The following PNLIPRP3 variants were observed in gnomAD, a reference collection of about 807,000 sequenced individuals.
The protein encoded by PNLIPRP3 is pancreatic lipase-related protein 3.
PNLIPRP3 carries 58 observed loss-of-function variants against 52.8 expected under a neutral mutation model. That is an observed-to-expected ratio of 1.10 (90% CI 0.89 to 1.37). The LOEUF (loss-of-function observed/expected upper bound fraction) is 1.37. Ranked by LOEUF, PNLIPRP3 falls within the 40% of genes most tolerant of loss-of-function variation. The pLI is 0.00. For missense variants in PNLIPRP3, 593 were observed against 561.6 expected (o/e 1.06, Z -0.57); for synonymous variants, 192 against 185.0 (o/e 1.04, Z -0.31).
intron 5 of PNLIPRP3, among the ~76,000 whole-genome samples, chr10:116,459,552 G>T (rs996093929): frequency 5.9e-5 from 9 of 152,066 alleles, no homozygotes; most frequent in Non-Finnish European, 1.3e-4. Context: ...CCTTGACATG[G>T]CTCAGCTGAC....
At chr10:116,439,886 C>T (rs879132424) in intron 2 of PNLIPRP3, 16 of 794,116 alleles carry the variant, frequency 2.0e-5, no homozygotes, top group South Asian at 1.1e-4. Flanking sequence ...TTCTCTTTCC[C>T]GGACATTATC....
At chr10:116,470,715 A>C (rs1048987506) in intron 9 of PNLIPRP3, among the ~76,000 whole-genome samples, 4 of 151,966 alleles carry the variant, frequency 2.6e-5, no homozygotes, top group Admixed American at 6.6e-5. Context: ...TCACCGTGTT[A>C]GCCAGGATGG....
intron 2 of PNLIPRP3, chr10:116,439,846 A>G (rs554571696): frequency 4.6e-5 from 36 of 779,628 alleles, no homozygotes; most frequent in Non-Finnish European, 7.6e-5. Flanking sequence ...GCGCACTTTA[A>G]TCACCTTTGC....
intron 10 of PNLIPRP3, among the ~76,000 whole-genome samples, chr10:116,475,808 G>A (rs1289678717): frequency 6.6e-6 from 1 of 152,170 alleles, no homozygotes; most frequent in Non-Finnish European, 1.5e-5. Context: ...AATAAGGAAA[G>A]GTGATACAGT....
At chr10:116,429,882 T>C (rs1190656278) in intron 1 of PNLIPRP3, among the ~76,000 whole-genome samples, 1 of 152,130 alleles carries the variant, frequency 6.6e-6, no homozygotes, top group Non-Finnish European at 1.5e-5. Flanking sequence ...GAAGGCAAAC[T>C]AGCAAACAAG....
chr10:116,445,459 T>C (rs1349852295), intron 4 of PNLIPRP3, among the ~76,000 whole-genome samples: 2 of 152,174 alleles, frequency 1.3e-5, no homozygotes, highest in Non-Finnish European at 2.9e-5. Flanking sequence ...GACACTTCTC[T>C]ATCTTCTCTT....
At chr10:116,474,044 A>C (rs1445544446) in intron 10 of PNLIPRP3, among the ~76,000 whole-genome samples, 1 of 151,890 alleles carries the variant, frequency 6.6e-6, no homozygotes, top group East Asian at 1.9e-4. Flanking sequence ...TTCAAACTAC[A>C]CTACAGGGCT....
chr10:116,462,164 C>T (rs1447638912), intron 7 of PNLIPRP3, among the ~76,000 whole-genome samples: 2 of 152,020 alleles, frequency 1.3e-5, no homozygotes, highest in Non-Finnish European at 2.9e-5. Context: ...TAGTATTTAA[C>T]TTTTTATAGT....
intron 9 of PNLIPRP3, 47 bp from the exon 10 acceptor site, chr10:116,471,721 G>A (rs1161918682): frequency 7.0e-7 from 1 of 1,434,086 alleles, no homozygotes; most frequent in Non-Finnish European, 9.8e-7. Context: ...CTTCCCATGT[G>A]TTTTTAACCC....
At chr10:116,475,264 C>T (rs749758140) in intron 10 of PNLIPRP3, among the ~76,000 whole-genome samples, 1 of 152,100 alleles carries the variant, frequency 6.6e-6, no homozygotes, top group Non-Finnish European at 1.5e-5. Context: ...AAGGAAACAA[C>T]ACACACCAGG....
At chr10:116,471,257 G>A (rs1423251974) in intron 9 of PNLIPRP3, among the ~76,000 whole-genome samples, 1 of 152,130 alleles carries the variant, frequency 6.6e-6, no homozygotes, top group African/African-American at 2.4e-5. Flanking sequence ...CTGTATCTAC[G>A]TGTACTGGGC....
chr10:116,451,597 C>T (rs1846038414), intron 4 of PNLIPRP3, among the ~76,000 whole-genome samples: 1 of 152,154 alleles, frequency 6.6e-6, no homozygotes, highest in Non-Finnish European at 1.5e-5. Flanking sequence ...AGTTAGTTCA[C>T]ACAATATCTG....
At chr10:116,437,978 A>C (rs2133114082) in intron 2 of PNLIPRP3, among the ~76,000 whole-genome samples, 1 of 152,314 alleles carries the variant, frequency 6.6e-6, no homozygotes, top group Non-Finnish European at 1.5e-5. Context: ...CCTGAACTGC[A>C]GTAATGAAAG....
chr10:116,428,110 T>G (rs777943571), intron 1 of PNLIPRP3, 49 bp downstream of exon 1: 1 of 1,292,436 alleles, frequency 7.7e-7, no homozygotes, highest in South Asian at 1.3e-5. Context: ...TGAGTATACT[T>G]ACATCTAAAA....
At position 116,443,096 on chromosome 10, in the gene PNLIPRP3, T is replaced by C. The variant is rs756475655; in HGVS notation, c.246T>C (p.Tyr82=). Residue 82 remains tyrosine (Y), a synonymous_variant, in exon 3 of 12, where the codon TAT becomes TAC. Coordinates refer to ENST00000369230, the MANE Select transcript of PNLIPRP3 (RefSeq NM_001011709.3). The stretch of plus-strand genomic sequence containing the variant: ...ATTCTTCAACTATCCAAGCCTCATA[T>C]TTTGGAACAGACAAGATCACCCGTA... ...AVNSSTIQAS[Y]FGTDKITRIN... The C allele has an allele frequency of 6.2e-7, 1 of 1,609,104 alleles. No homozygotes were observed. The highest frequency in any genetic ancestry group is 8.5e-7 in the Non-Finnish European group (1 of 1,176,282).
chr10:116,444,040 G>A (rs1430553062), intron 3 of PNLIPRP3, among the ~76,000 whole-genome samples: 1 of 151,664 alleles, frequency 6.6e-6, no homozygotes, highest in African/African-American at 2.4e-5. Flanking sequence ...TTACAATCAC[G>A]GCGGAAGGCA....
At chr10:116,436,582 T>A (rs1276118995) in intron 1 of PNLIPRP3, 129 bp from the exon 2 acceptor site, 1 of 974,894 alleles carries the variant, frequency 1.0e-6, no homozygotes, top group African/African-American at 1.6e-5. Flanking sequence ...TAGGAGAAAA[T>A]ATTTTCAAGC....
chr10:116,463,038 C>T (rs1341360076), intron 7 of PNLIPRP3, among the ~76,000 whole-genome samples: 1 of 152,076 alleles, frequency 6.6e-6, no homozygotes, highest in Admixed American at 6.5e-5. Flanking sequence ...GTCTAAATCA[C>T]AATTAATTGT....
intron 5 of PNLIPRP3, among the ~76,000 whole-genome samples, chr10:116,459,418 A>C (rs1589985864): frequency 6.6e-6 from 1 of 151,672 alleles, no homozygotes; most frequent in South Asian, 2.1e-4. Context: ...CATCCTTCCC[A>C]CTCCGGGATC....
Sources: gnomAD v4.1 joint callset for allele counts (sites outside exome capture counted in the v4.1 genomes callset) on GRCh38, gnomAD v4.1.1 for gene constraint, MANE v1.5 for transcripts, NCBI Gene and HGNC (gene_info 2026-07-23, HGNC 2026-07-21) for gene names.